Variants in RAMAC observed in about 807,000 individuals in gnomAD.
RAMAC encodes the protein RNA guanine-N7 methyltransferase activating subunit.
In RAMAC, 11 loss-of-function variants were observed where a neutral mutation model predicts 17.9. The ratio of observed to expected loss-of-function variants is 0.61; its 90% CI spans 0.39 to 1.02. The LOEUF (loss-of-function observed/expected upper bound fraction) is 1.02, where lower values mean the gene tolerates loss of function less well. Among genes scored for constraint, RAMAC ranks in the 50% least tolerant of loss-of-function variants. RAMAC has a pLI of 0.01. For missense variants in RAMAC, 109 were observed against 144.0 expected, an observed-to-expected ratio of 0.76 and a Z score of 1.25; for synonymous variants, 27 against 48.4, an observed-to-expected ratio of 0.56 and a Z score of 1.84.
chr15:82,988,805 G>T (rs1007265366), intron 2 of RAMAC: 19 of 503,456 alleles, frequency 3.8e-5, no homozygotes, highest in African/African-American at 3.0e-4. Flanking sequence ...CTGTGCTCCA[G>T]CCTGGGTGAC....
rs749792257 is a variant in RAMAC at position 82,989,940 on chromosome 15, A to G, written c.230A>G (p.Asn77Ser). 2.4e-5 allele frequency: 39 copies of G among 1,611,780 alleles called. No individual in the cohort carries two copies. Among genetic ancestry groups the G allele is most frequent in the Non-Finnish European group, 3.1e-5 (37 of 1,179,162 alleles). The change falls in exon 4 of 4, where the codon AAT becomes AGT. Residue 77 changes from asparagine (N) to serine (S), a missense_variant. By Grantham distance (46) the Asn-to-Ser change is conservative (BLOSUM62 1). Coordinates refer to ENST00000304191, the MANE Select transcript of RAMAC (RefSeq NM_031452.4). Reference protein sequence around the residue: ...RDNRWGWPSDNRSNQWHGRSW... With the variant: ...RDNRWGWPSDSRSNQWHGRSW... ...AACAGATGGGGGTGGCCAAGTGACA[A>G]TCGATCCAATCAGTGGCATGGACGA...
intron 3 of RAMAC, 82 bp from the exon 4 acceptor site, chr15:82,989,799 A>C (rs1181488626): frequency 1.3e-6 from 2 of 1,504,996 alleles, no homozygotes; most frequent in Non-Finnish European, 1.8e-6. Context: ...TAGAATGAGA[A>C]ACCAGAAGCA....
intron 2 of RAMAC, among the ~76,000 whole-genome samples, chr15:82,987,712 T>G (rs1230132899): frequency 6.6e-6 from 1 of 152,184 alleles, no homozygotes; most frequent in Admixed American, 6.5e-5. Context: ...TATTTGGTAT[T>G]TGATAAAGCA....
At chr15:82,988,110 G>C (rs1275910667) in intron 2 of RAMAC, among the ~76,000 whole-genome samples, 2 of 151,562 alleles carry the variant, frequency 1.3e-5, no homozygotes, top group African/African-American at 4.9e-5. Context: ...GCCAAAGCGG[G>C]CGGATTATGA....
rs1428558132 is a variant in RAMAC at position 82,990,496 on chromosome 15, T to C, written c.*429T>C. Reference sequence around the variant, plus strand: ...CTCATGAATGCACAGCTATGCTTTTTGTGATAGATTGTACATAACATCAGC... The same window carrying C: ...CTCATGAATGCACAGCTATGCTTTTCGTGATAGATTGTACATAACATCAGC... On this transcript the variant is annotated 3_prime_UTR_variant, in exon 4 of 4. Transcript: ENST00000304191. The C allele has an allele frequency of 1.6e-6, 1 of 630,270 alleles. No individual in the cohort carries two copies. The highest frequency in any genetic ancestry group is 2.1e-5 in the African/African-American group (1 of 47,462). 39.0% of individuals were successfully genotyped at this position (630,270 alleles called of 1,614,324 possible). A position where few individuals can be genotyped will look rare whatever the true frequency, so the allele number is the denominator to read the frequency against.
Position 82,989,113 on chromosome 15 carries a change from G to T in RAMAC, c.95G>T (p.Arg32Leu), listed in dbSNP as rs150238339. ...AAGGAGTATCAGGAATACCTGAAAC[G>T]CCCTCCTGAGTCTCCTCCAATTGTT... ...NDKEYQEYLKRPPESPPIVEE... is the reference protein window; with the variant it reads ...NDKEYQEYLKLPPESPPIVEE... Residue 32 changes from arginine to leucine, a missense_variant, in exon 3 of 4, where the codon CGC (arginine) becomes CTC (leucine). Arg to Leu is a moderately radical substitution (Grantham distance 102, BLOSUM62 -2). Transcript: ENST00000304191. The T allele has an allele frequency of 3.1e-6, 5 of 1,613,830 alleles. No homozygotes were observed. Among genetic ancestry groups the T allele is most frequent in the Non-Finnish European group, 4.2e-6 (5 of 1,179,806 alleles).
At chr15:82,988,265 G>A (rs1555434294) in intron 2 of RAMAC, among the ~76,000 whole-genome samples, 1 of 152,150 alleles carries the variant, frequency 6.6e-6, no homozygotes, top group Non-Finnish European at 1.5e-5. Context: ...GGGAGGCAGA[G>A]GTTGCAGTGT....
chr15:82,986,492 C>G (rs1365911008), intron 1 of RAMAC, 123 bp downstream of exon 1: 1 of 152,242 alleles, frequency 6.6e-6, no homozygotes, highest in Admixed American at 6.5e-5. Context: ...TTACTTCTCA[C>G]GGCCCATAAT....
chr15:82,990,723 A>C lies in RAMAC; in HGVS notation c.*656A>C. On this transcript the variant is annotated 3_prime_UTR_variant, in exon 4 of 4. Transcript: ENST00000304191. ...CTGGTGGTGGTTGGGATAAGGGTAC[A>C]CATCATTTTATACAAACACTAAAGC... 7.7e-7 allele frequency: 1 copy of C among 1,305,082 alleles called. No homozygotes were observed. The highest frequency in any genetic ancestry group is 1.5e-5 in the African/African-American group (1 of 67,612). The allele number at this position is 1,305,082 out of a possible 1,614,324, so 80.8% of individuals were successfully genotyped here.
At chr15:82,987,934 CAG>C (rs1300700312) in intron 2 of RAMAC, among the ~76,000 whole-genome samples, 2 of 149,224 alleles carry the variant, frequency 1.3e-5, no homozygotes, top group African/African-American at 2.5e-5. Context: ...ATTCGGGAGG[CAG>C]AGACAGGAGA....
Position 82,989,943 on chromosome 15 carries a change from G to A in RAMAC, c.233G>A (p.Arg78Gln), listed in dbSNP as rs371706950. 14 of 1,611,520 alleles carry A rather than the reference G, an allele frequency of 8.7e-6. No homozygotes were observed. The highest frequency in any genetic ancestry group is 6.7e-5 in the Admixed American group (4 of 59,636). The change falls in exon 4 of 4, where the codon CGA becomes CAA. Residue 78 changes from arginine (R) to glutamine (Q), a missense_variant. Physicochemically the swap from Arg to Gln is conservative, Grantham distance 43 (BLOSUM62 1). Coordinates refer to ENST00000304191, the MANE Select transcript of RAMAC (RefSeq NM_031452.4). Reference sequence around the variant, plus strand: ...AGATGGGGGTGGCCAAGTGACAATCGATCCAATCAGTGGCATGGACGATCC... The same window carrying A: ...AGATGGGGGTGGCCAAGTGACAATCAATCCAATCAGTGGCATGGACGATCC... Reference protein sequence around the residue: ...DNRWGWPSDNRSNQWHGRSWG... With the variant: ...DNRWGWPSDNQSNQWHGRSWG...
chr15:82,989,826 A>G, intron 3 of RAMAC, 55 bp from the exon 4 acceptor site: 5 of 1,594,624 alleles, frequency 3.1e-6, no homozygotes, highest in South Asian at 2.2e-5. Flanking sequence ...TGGGTTTGTC[A>G]TATGTTTTTT....
intron 2 of RAMAC, 98 bp from the exon 3 acceptor site, chr15:82,988,912 C>T: frequency 2.0e-6 from 2 of 1,023,470 alleles, no homozygotes; most frequent in East Asian, 2.7e-5. Context: ...TCCATGAATA[C>T]CCCGCCTAAA....
At chr15:82,989,582 A>G (rs2030771180) in intron 3 of RAMAC, among the ~76,000 whole-genome samples, 1 of 152,250 alleles carries the variant, frequency 6.6e-6, no homozygotes, top group East Asian at 1.9e-4. Context: ...TAGTCAAAGG[A>G]ATAAATTACC....
chr15:82,988,910 T>C, intron 2 of RAMAC, 100 bp from the exon 3 acceptor site: 4 of 1,004,390 alleles, frequency 4.0e-6, no homozygotes, highest in Middle Eastern at 2.3e-4. Context: ...CTTCCATGAA[T>C]ACCCCGCCTA....
chr15:82,986,934 G>GT (rs2030641438), intron 1 of RAMAC, among the ~76,000 whole-genome samples: 2 of 151,342 alleles, frequency 1.3e-5, no homozygotes, highest in Admixed American at 1.3e-4. Context: ...TTTTTGGTTT[G>GT]TTTTTTGTTT....
intron 1 of RAMAC, among the ~76,000 whole-genome samples, chr15:82,987,010 C>T (rs957445278): frequency 1.3e-5 from 2 of 152,078 alleles, no homozygotes; most frequent in African/African-American, 4.8e-5. Context: ...CTCCGCCTCC[C>T]AAGTTCAAGC....
intron 3 of RAMAC, 81 bp from the exon 4 acceptor site, chr15:82,989,800 A>G: frequency 1.3e-6 from 2 of 1,509,332 alleles, no homozygotes; most frequent in East Asian, 2.4e-5. Flanking sequence ...AGAATGAGAA[A>G]CCAGAAGCAC....
chr15:82,987,758 G>A (rs989874619), intron 2 of RAMAC, among the ~76,000 whole-genome samples: 9 of 152,226 alleles, frequency 5.9e-5, no homozygotes, highest in Non-Finnish European at 1.3e-4. Flanking sequence ...AAGAGTGTCA[G>A]GCTGGGCGCG....
Sources: allele counts gnomAD v4.1 joint callset (sites outside exome capture counted in the v4.1 genomes callset), GRCh38; gene constraint gnomAD v4.1.1; transcripts MANE v1.5; gene names NCBI Gene and HGNC (gene_info 2026-07-23, HGNC 2026-07-21).